Variants in RBFOX1 observed in about 807,000 individuals in gnomAD.
RBFOX1 encodes the protein RNA binding protein fox-1 homolog 1.
RBFOX1 carries 8 observed loss-of-function variants against 57.7 expected under a neutral mutation model. That is an observed-to-expected ratio of 0.14 (90% CI 0.08 to 0.25). The LOEUF (loss-of-function observed/expected upper bound fraction) is 0.25. Among genes scored for constraint, RBFOX1 ranks in the 10% least tolerant of loss-of-function variants. RBFOX1 has a pLI of 1.00. For missense variants in RBFOX1, 611 were observed against 548.5 expected (o/e 1.11, Z -1.14); for synonymous variants, 326 against 222.4 (o/e 1.47, Z -4.15).
rs554303024 is a variant in RBFOX1, at chr16:5,257,022, C to A, written c.219+16917C>A. Among the ~76,000 whole-genome samples the A allele has an allele frequency of 3.3e-5, 5 of 152,136 alleles. No homozygotes were observed. The South Asian group carries it at 8.3e-4, about 25-fold the overall frequency. On this transcript the variant is annotated intron_variant, in intron 1 of 2. Transcript: ENST00000585867. ...TGTCAAAGATTGTTGTTGGATTTTA[C>A]ACACAGGGAAATCTAAGGAAGGTGT...
chr16:5,762,324 T>C (rs2053620516), intron 3 of RBFOX1, among the ~76,000 whole-genome samples: 2 of 147,102 alleles, frequency 1.4e-5, no homozygotes, highest in South Asian at 2.2e-4. Context: ...TAATTTTTTC[T>C]CCTAGAAATT....
At chr16:6,710,942 A>G (rs911300940) in intron 3 of RBFOX1, among the ~76,000 whole-genome samples, 9 of 152,204 alleles carry the variant, frequency 5.9e-5, no homozygotes, top group African/African-American at 1.9e-4. Context: ...AAATCCATGA[A>G]GGCTACATGT....
At chr16:6,835,495 C>T (rs1377578339) in intron 3 of RBFOX1, among the ~76,000 whole-genome samples, 1 of 151,956 alleles carries the variant, frequency 6.6e-6, no homozygotes, top group East Asian at 1.9e-4. Flanking sequence ...GTCACGCCTG[C>T]AATCCCAGCA....
At chr16:7,419,415 G>A (rs2098517336) in intron 4 of RBFOX1, among the ~76,000 whole-genome samples, 1 of 152,214 alleles carries the variant, frequency 6.6e-6, no homozygotes, top group Non-Finnish European at 1.5e-5. Flanking sequence ...TGAATGCAGA[G>A]GGGCCAGCAT....
chr16:7,312,302 C>T (rs1009404283), intron 4 of RBFOX1, among the ~76,000 whole-genome samples: 1 of 152,184 alleles, frequency 6.6e-6, no homozygotes, highest in Non-Finnish European at 1.5e-5. Context: ...ATCACTTGAA[C>T]CCAGGAGACA....
chr16:7,534,942 C>T (rs1286915790), intron 5 of RBFOX1, among the ~76,000 whole-genome samples: 3 of 152,172 alleles, frequency 2.0e-5, no homozygotes, highest in Non-Finnish European at 4.4e-5. Context: ...AGTGTCCTGA[C>T]ACTGGGGCTG....
intron 4 of RBFOX1, among the ~76,000 whole-genome samples, chr16:5,985,126 C>T (rs920669942): frequency 6.6e-6 from 1 of 151,008 alleles, no homozygotes; most frequent in Non-Finnish European, 1.5e-5. Context: ...GCCAGGACTA[C>T]AGGCACCCGC....
rs149493198 is a variant in RBFOX1 at position 6,505,399 on chromosome 16, G to A, written c.-63-149204G>A. On this transcript the variant is annotated intron_variant, in intron 2 of 15. Transcript: ENST00000550418. ...GGCATTTGGGAAAAACTTTTCAACA[G>A]GAGAATATTTGGAAACAAAATGCTC... is the stretch of plus-strand genomic sequence containing the variant. Among the ~76,000 whole-genome samples the A allele has an allele frequency of 1.7e-3, 265 of 152,278 alleles. 3 individuals carry two copies. The highest frequency in any genetic ancestry group is 6.2e-3 in the African/African-American group (256 of 41,550).
At chr16:5,652,611 G>C (rs2049277540) in intron 3 of RBFOX1, among the ~76,000 whole-genome samples, 1 of 152,162 alleles carries the variant, frequency 6.6e-6, no homozygotes. Context: ...CCTCCTCTCA[G>C]CCCCCACCCA....
chr16:6,805,573 G>T (rs1603627070), intron 3 of RBFOX1, among the ~76,000 whole-genome samples: 1 of 149,802 alleles, frequency 6.7e-6, no homozygotes, highest in African/African-American at 2.5e-5. Flanking sequence ...TTATCACATT[G>T]AAAGGAATAC....
At chr16:5,634,383 T>C (rs1244713705) in intron 3 of RBFOX1, among the ~76,000 whole-genome samples, 3 of 152,174 alleles carry the variant, frequency 2.0e-5, no homozygotes, top group Non-Finnish European at 4.4e-5. Context: ...TCAAATGTAA[T>C]TGAGACAAAA....
chr16:7,130,304 A>T (rs1423344031), intron 4 of RBFOX1, among the ~76,000 whole-genome samples: 1 of 152,092 alleles, frequency 6.6e-6, no homozygotes, highest in Non-Finnish European at 1.5e-5. Context: ...CAAAGTGCTG[A>T]GATTGTAGGC....
chr16:5,902,238 A>G (rs2058321025), intron 4 of RBFOX1, among the ~76,000 whole-genome samples: 1 of 152,126 alleles, frequency 6.6e-6, no homozygotes, highest in South Asian at 2.1e-4. Flanking sequence ...CATTTTATAG[A>G]TGAGTAAACT....
intron 1 of RBFOX1, among the ~76,000 whole-genome samples, chr16:6,229,772 A>T (rs548189144): frequency 1.1e-3 from 163 of 151,838 alleles, no homozygotes; most frequent in Non-Finnish European, 1.8e-3. Flanking sequence ...CATCCTTTCC[A>T]CTGTTGGAAA....
intron 2 of RBFOX1, among the ~76,000 whole-genome samples, chr16:6,438,234 C>T (rs1029780334): frequency 4.6e-5 from 7 of 152,278 alleles, no homozygotes; most frequent in East Asian, 1.9e-4. Flanking sequence ...AAATGCCTGA[C>T]GCTGTGCTCT....
At chr16:7,688,260 T>TGTGAGAGAGAGAGAGAGA (rs1319185243) in intron 14 of RBFOX1, among the ~76,000 whole-genome samples, 1 of 125,296 alleles carries the variant, frequency 8.0e-6, no homozygotes. Context: ...TGTGTGTGTG[T>TGTGAGAGAGAGAGAGAGA]GAGAGAGAGA....
intron 2 of RBFOX1, among the ~76,000 whole-genome samples, chr16:5,596,840 TACTTTA>T (rs1399300661): frequency 6.6e-6 from 1 of 152,174 alleles, no homozygotes; most frequent in Non-Finnish European, 1.5e-5. Context: ...TTCAGGCTAC[TACTTTA>T]GACAGTCGCT....
At chr16:6,959,544 G>C (rs772221235) in intron 3 of RBFOX1, among the ~76,000 whole-genome samples, 12 of 152,030 alleles carry the variant, frequency 7.9e-5, no homozygotes, top group Non-Finnish European at 1.8e-4. Flanking sequence ...TTTGGACCCA[G>C]GTCTCAGTGA....
At position 6,242,629 on chromosome 16, in the gene RBFOX1, AACACACACACAC is replaced by A. The variant is rs57154832; in HGVS notation, c.-126-74342_-126-74331del. On this transcript the variant is annotated intron_variant, in intron 1 of 15. Transcript: ENST00000550418. ...GTTTGAGAGAGGATAATTTATTGCA[AACACACACACAC>A]ACACACACACACACACACACACATT... Among the ~76,000 whole-genome samples the A allele has an allele frequency of 8.5e-5, 12 of 141,628 alleles. No individual in the cohort carries two copies. The South Asian group carries it at 2.1e-3, about 25-fold the overall frequency. The allele number at this position is 141,628 out of a possible 152,430, so 92.9% of individuals were successfully genotyped here.
Sources: gnomAD v4.1 joint callset for allele counts (sites outside exome capture counted in the v4.1 genomes callset) on GRCh38, gnomAD v4.1.1 for gene constraint, MANE v1.5 for transcripts, NCBI Gene and HGNC (gene_info 2026-07-23, HGNC 2026-07-21) for gene names.